Variants in CALHM3 observed in about 807,000 individuals in gnomAD.
CALHM3 encodes calcium homeostasis modulator protein 3.
A neutral mutation model predicts 13.6 loss-of-function variants in CALHM3; 9 were observed. The observed-to-expected ratio is 0.66, with a 90% CI of 0.40 to 1.15. The LOEUF (loss-of-function observed/expected upper bound fraction) is 1.15. Among genes scored for constraint, CALHM3 ranks in the 50% most tolerant of loss-of-function variants. The pLI is 0.01. For missense variants in CALHM3, 497 were observed against 463.4 expected, an observed-to-expected ratio of 1.07 and a Z score of -0.67; for synonymous variants, 231 against 213.2, an observed-to-expected ratio of 1.08 and a Z score of -0.73.
chr10:103,473,445 A>G lies in CALHM3; in HGVS notation c.803T>C (p.Leu268Pro), dbSNP rs1453321906. The change falls in exon 3 of 3, where the codon CTC becomes CCC. Residue 268 changes from leucine (L) to proline (P), a missense_variant. Leu to Pro is a moderately conservative substitution (Grantham distance 98). Coordinates refer to ENST00000369783, the MANE Select transcript of CALHM3 (RefSeq NM_001129742.2). ...GLRRGNAGRRLELPAVPEPPE... is the reference protein window; with the variant it reads ...GLRRGNAGRRPELPAVPEPPE... ...GGGCTCAGGCACTGCGGGGAGCTCG[A>G]GTCTCCTGCCTGCATTGCCCCGGCG... 2.0e-6 allele frequency: 3 copies of G among 1,504,484 alleles called. No homozygotes were observed. Among genetic ancestry groups the G allele is most frequent in the Non-Finnish European group, 2.6e-6 (3 of 1,136,158 alleles). The allele number at this position is 1,504,484 out of a possible 1,614,324, so 93.2% of individuals were successfully genotyped here. A position where few individuals can be genotyped will look rare whatever the true frequency, so the allele number is the denominator to read the frequency against.
chr10:103,474,423 A>G (rs2133831475), intron 2 of CALHM3, among the ~76,000 whole-genome samples: 1 of 149,596 alleles, frequency 6.7e-6, no homozygotes, highest in East Asian at 2.0e-4. Flanking sequence ...CCCCCATCCA[A>G]CCATCTATCA....
chr10:103,473,336 C>A lies in CALHM3; in HGVS notation c.912G>T (p.Thr304=), dbSNP rs757137586. 27 of 1,502,732 alleles carry A rather than the reference C, an allele frequency of 1.8e-5. No individual in the cohort carries two copies. The East Asian group carries it at 6.4e-4, about 36-fold the overall frequency. 93.1% of individuals were successfully genotyped at this position (1,502,732 alleles called of 1,614,324 possible). Residue 304 remains threonine (T), a synonymous_variant, in exon 3 of 3, where the codon ACG becomes ACT. Coordinates refer to ENST00000369783, the MANE Select transcript of CALHM3 (RefSeq NM_001129742.2). The part of the protein sequence containing the change: ...SREQVDRLLS[T]WYSSKPPLDL... The stretch of plus-strand genomic sequence containing the variant: ...CCAGCGGCGGCTTGCTGGAGTACCA[C>A]GTGCTTAGGAGGCGGTCCACCTGCT...
Position 103,473,211 on chromosome 10 carries a change from C to A in CALHM3, c.*2G>T. The A allele has an allele frequency of 7.1e-7, 1 of 1,401,538 alleles. No homozygotes were observed. 86.8% of individuals were successfully genotyped at this position (1,401,538 alleles called of 1,614,324 possible). ...ACTGCCGCTTCAAGCCTGGCCAGGA[C>A]CCTACACGTCGGTGTGTTGTGACAG... On this transcript the variant is annotated 3_prime_UTR_variant, in exon 3 of 3. Transcript: ENST00000369783.
intron 2 of CALHM3, among the ~76,000 whole-genome samples, chr10:103,474,027 A>C (rs1473184447): frequency 6.6e-6 from 1 of 152,148 alleles, no homozygotes; most frequent in Admixed American, 6.6e-5. Context: ...AATTTAATTA[A>C]CTCTTAGAGC....
At position 103,473,071 on chromosome 10, in the gene CALHM3, C is replaced by T; in HGVS notation, c.*142G>A. 1 of 914,144 alleles carries T rather than the reference C, an allele frequency of 1.1e-6. No homozygotes were observed. The allele number at this position is 914,144 out of a possible 1,614,324, so 56.6% of individuals were successfully genotyped here. ...CTGGAGGCCACACCCAGAAACTAGGCAGAGATTGGGCTACTTTAAAAAGGA... is the reference window on the plus strand; with the variant it reads ...CTGGAGGCCACACCCAGAAACTAGGTAGAGATTGGGCTACTTTAAAAAGGA... On this transcript the variant is annotated 3_prime_UTR_variant, in exon 3 of 3. Transcript: ENST00000369783.
Position 103,476,221 on chromosome 10 carries a change from C to T in CALHM3, c.543+73G>A, listed in dbSNP as rs1268071371. Reference sequence around the variant, plus strand: ...CATCATCTGTCCCTCCTCACCACCCCCTCACCCCACTCCAGAACCAATGCG... The same window carrying T: ...CATCATCTGTCCCTCCTCACCACCCTCTCACCCCACTCCAGAACCAATGCG... On this transcript the variant is annotated intron_variant, in intron 2 of 2. Transcript: ENST00000369783. 6 of 1,530,898 alleles carry T rather than the reference C, an allele frequency of 3.9e-6. No individual in the cohort carries two copies. In the Admixed American group the frequency reaches 1.2e-4, roughly 30 times the overall value. 94.8% of individuals were successfully genotyped at this position (1,530,898 alleles called of 1,614,324 possible).
intron 1 of CALHM3, among the ~76,000 whole-genome samples, chr10:103,477,470 T>C (rs1015955555): frequency 6.6e-6 from 1 of 152,212 alleles, no homozygotes; most frequent in Admixed American, 6.5e-5. Flanking sequence ...CTGAATTGGA[T>C]TGTACACAAA....
chr10:103,475,869 A>G (rs1237046401), intron 2 of CALHM3, among the ~76,000 whole-genome samples: 1 of 152,024 alleles, frequency 6.6e-6, no homozygotes, highest in African/African-American at 2.4e-5. Flanking sequence ...ATCTGGAGAG[A>G]GCCTGCATTG....
At chr10:103,478,016 TC>T (rs1225968782) in intron 1 of CALHM3, among the ~76,000 whole-genome samples, 1 of 152,024 alleles carries the variant, frequency 6.6e-6, no homozygotes, top group African/African-American at 2.4e-5. Context: ...GATTCTAATT[TC>T]CCCCCGCCTT....
chr10:103,473,212 C>T lies in CALHM3; in HGVS notation c.*1G>A. 7.1e-7 allele frequency: 1 copy of T among 1,402,564 alleles called. No individual in the cohort carries two copies. Among genetic ancestry groups the T allele is most frequent in the Non-Finnish European group, 9.3e-7 (1 of 1,075,816 alleles). 86.9% of individuals were successfully genotyped at this position (1,402,564 alleles called of 1,614,324 possible). ...CTGCCGCTTCAAGCCTGGCCAGGAC[C>T]CTACACGTCGGTGTGTTGTGACAGC... On this transcript the variant is annotated 3_prime_UTR_variant, in exon 3 of 3. Coordinates refer to ENST00000369783, the MANE Select transcript of CALHM3 (RefSeq NM_001129742.2).
At chr10:103,475,613 C>G (rs1442700307) in intron 2 of CALHM3, among the ~76,000 whole-genome samples, 1 of 152,258 alleles carries the variant, frequency 6.6e-6, no homozygotes, top group Non-Finnish European at 1.5e-5. Context: ...TGGGTCCTCC[C>G]TCCACCGCAC....
rs1389753339 is a variant in CALHM3 at position 103,473,644 on chromosome 10, T to G, written c.604A>C (p.Arg202=). ...AAGACTGTCTGGTCGAAGCAGGGCC[T>G]CAGGCAGCGGGCCAGGAAGGCCGCG... ...IIAAFLARCL[R]PCFDQTVFLQ... Residue 202 remains arginine (R), a synonymous_variant, in exon 3 of 3, where the codon AGG becomes CGG. Coordinates refer to ENST00000369783, the MANE Select transcript of CALHM3 (RefSeq NM_001129742.2). 2 of 1,551,116 alleles carry G rather than the reference T, an allele frequency of 1.3e-6. No individual in the cohort carries two copies. Among genetic ancestry groups the G allele is most frequent in the South Asian group, 1.2e-5 (1 of 84,060 alleles).
rs2033341275 is a variant in CALHM3 at position 103,473,167 on chromosome 10, C to T, written c.*46G>A. On this transcript the variant is annotated 3_prime_UTR_variant, in exon 3 of 3. Transcript: ENST00000369783. ...GAAAGACTCCAGAACTTTGTCAGCG[C>T]GGCATTTCACCTGCGAACACTGCCG... 8 of 1,302,128 alleles carry T rather than the reference C, an allele frequency of 6.1e-6. No homozygotes were observed. The highest frequency in any genetic ancestry group is 4.0e-5 in the Admixed American group (1 of 25,108). 80.7% of individuals were successfully genotyped at this position (1,302,128 alleles called of 1,614,324 possible).
At chr10:103,473,813 A>G (rs751093964) in intron 2 of CALHM3, 109 bp from the exon 3 acceptor site, 20 of 1,309,452 alleles carry the variant, frequency 1.5e-5, no homozygotes, top group Non-Finnish European at 1.9e-5. Context: ...GATCATGTCT[A>G]CATAATAATA....
intron 2 of CALHM3, 44 bp from the exon 3 acceptor site, chr10:103,473,748 A>C (rs1483660944): frequency 2.0e-6 from 3 of 1,498,016 alleles, no homozygotes; most frequent in Non-Finnish European, 1.8e-6. Context: ...GTGGGGCCTA[A>C]TCCTATATAC....
chr10:103,473,824 T>A, intron 2 of CALHM3, 120 bp from the exon 3 acceptor site: 4 of 1,258,322 alleles, frequency 3.2e-6, no homozygotes, highest in Non-Finnish European at 4.2e-6. Context: ...CATAATAATA[T>A]TCTTCATTTT....
In CALHM3 at chr10:103,479,231, A is replaced by G; in HGVS notation, c.-199T>C. On this transcript the variant is annotated 5_prime_UTR_variant, in exon 1 of 3. Transcript: ENST00000369783. ...CCGGGATCCAGTAGGCACTTAAGGC[A>G]GGGACAGGCTCTCACCACAAAGGCT... 3.3e-6 allele frequency: 2 copies of G among 610,664 alleles called. No homozygotes were observed. The highest frequency in any genetic ancestry group is 5.6e-6 in the Non-Finnish European group (2 of 354,450). The allele number at this position is 610,664 out of a possible 1,614,324, so 37.8% of individuals were successfully genotyped here.
chr10:103,473,098 G>T lies in CALHM3; in HGVS notation c.*115C>A. On this transcript the variant is annotated 3_prime_UTR_variant, in exon 3 of 3. Transcript: ENST00000369783. ...GAGATTGGGCTACTTTAAAAAGGAGGCTAACAAGACTTAGGGTGCCTGCCG... is the reference window on the plus strand; with the variant it reads ...GAGATTGGGCTACTTTAAAAAGGAGTCTAACAAGACTTAGGGTGCCTGCCG... 8.9e-7 allele frequency: 1 copy of T among 1,126,050 alleles called. No homozygotes were observed. The highest frequency in any genetic ancestry group is 1.1e-6 in the Non-Finnish European group (1 of 880,466). The allele number at this position is 1,126,050 out of a possible 1,614,324, so 69.8% of individuals were successfully genotyped here.
At chr10:103,473,853 C>T (rs767266487) in intron 2 of CALHM3, 149 bp from the exon 3 acceptor site, 35 of 1,082,158 alleles carry the variant, frequency 3.2e-5, no homozygotes, top group Non-Finnish European at 4.4e-5. Flanking sequence ...TTCAAATACT[C>T]CTTAGAGAAT....
Sources: allele counts gnomAD v4.1 joint callset (sites outside exome capture counted in the v4.1 genomes callset), GRCh38; gene constraint gnomAD v4.1.1; transcripts MANE v1.5; gene names NCBI Gene and HGNC (gene_info 2026-07-23, HGNC 2026-07-21).